Variants in DHX57 observed in about 807,000 individuals in gnomAD.
DHX57 encodes the protein DExH-box helicase 57, also known as putative ATP-dependent RNA helicase DHX57.
In DHX57, 105 loss-of-function variants were observed where a neutral mutation model predicts 156.2. The observed-to-expected ratio is 0.67, with a 90% CI of 0.57 to 0.79. DHX57 has a LOEUF of 0.79. Ranked by LOEUF, DHX57 falls within the 30% of genes least tolerant of loss-of-function variation. The pLI, the probability that DHX57 is intolerant of heterozygous loss-of-function variation, is 0.00. For missense variants in DHX57, 1,847 were observed against 1,661.9 expected, an observed-to-expected ratio of 1.11 and a Z score of -1.94; for synonymous variants, 704 against 595.6, an observed-to-expected ratio of 1.18 and a Z score of -2.65.
chr2:38,821,513 G>A (rs2148556879), intron 17 of DHX57, among the ~76,000 whole-genome samples: 1 of 152,088 alleles, frequency 6.6e-6, no homozygotes, highest in Admixed American at 6.6e-5. Flanking sequence ...GACTAACATG[G>A]TGAAACCCCG....
chr2:38,865,059 G>A (rs961090626), intron 2 of DHX57, among the ~76,000 whole-genome samples: 2 of 152,072 alleles, frequency 1.3e-5, no homozygotes, highest in South Asian at 2.1e-4. Context: ...CACTCTCTTA[G>A]TTTCCTACTT....
At chr2:38,825,814 T>A in intron 16 of DHX57, 33 bp downstream of exon 16, 1 of 1,609,482 alleles carries the variant, frequency 6.2e-7, no homozygotes, top group Non-Finnish European at 8.5e-7. Flanking sequence ...ATTTAGACCT[T>A]TTGGAAGCAA....
intron 9 of DHX57, among the ~76,000 whole-genome samples, chr2:38,848,769 T>C (rs1009348314): frequency 1.3e-5 from 2 of 152,206 alleles, no homozygotes; most frequent in Non-Finnish European, 2.9e-5. Context: ...ATATTTTGAA[T>C]AATTTTGTCT....
At position 38,861,952 on chromosome 2, in the gene DHX57, G is replaced by C. The variant is rs954584707; in HGVS notation, c.573-115C>G. 25 of 1,278,956 alleles carry C rather than the reference G, an allele frequency of 2.0e-5. No homozygotes were observed. In the East Asian group the frequency reaches 2.2e-4, roughly 11 times the overall value. The allele number at this position is 1,278,956 out of a possible 1,614,324, so 79.2% of individuals were successfully genotyped here. On this transcript the variant is annotated intron_variant, in intron 4 of 23. Coordinates refer to ENST00000457308, the MANE Select transcript of DHX57 (RefSeq NM_198963.3). ...TTATGACTACACATAGGCAGGGCTTGTATTTTGAAAAAGCATCCCTGATAA... is the reference window on the plus strand; with the variant it reads ...TTATGACTACACATAGGCAGGGCTTCTATTTTGAAAAAGCATCCCTGATAA...
intron 2 of DHX57, 63 bp from the exon 3 acceptor site, chr2:38,863,582 C>T (rs1673354381): frequency 6.6e-7 from 1 of 1,507,904 alleles, no homozygotes; most frequent in African/African-American, 1.4e-5. Context: ...ACACTCTCCT[C>T]AGGGGTCCCC....
Position 38,875,805 on chromosome 2 carries a change from T to G in DHX57, c.-25A>C. ...GACGTACCTGGCTCGCAGAGTTGGG[T>G]CCCGAGCCGGCTGTCGGGAGGTGCT... On this transcript the variant is annotated 5_prime_UTR_variant, in exon 1 of 24. Coordinates refer to ENST00000457308, the MANE Select transcript of DHX57 (RefSeq NM_198963.3). The G allele has an allele frequency of 2.6e-6, 1 of 382,940 alleles. No individual in the cohort carries two copies. The highest frequency in any genetic ancestry group is 4.6e-6 in the Non-Finnish European group (1 of 216,530). 23.7% of individuals were successfully genotyped at this position (382,940 alleles called of 1,614,324 possible). A position where few individuals can be genotyped will look rare whatever the true frequency, so the allele number is the denominator to read the frequency against.
At chr2:38,799,241 C>T (rs544941391) in intron 23 of DHX57, among the ~76,000 whole-genome samples, 25 of 151,548 alleles carry the variant, frequency 1.6e-4, no homozygotes, top group Non-Finnish European at 3.4e-4. Flanking sequence ...TGGTGCATGC[C>T]TATAATTCCA....
chr2:38,814,040 C>A (rs958570675), intron 20 of DHX57, 145 bp from the exon 21 acceptor site: 1 of 769,300 alleles, frequency 1.3e-6, no homozygotes, highest in Admixed American at 2.3e-5. Flanking sequence ...CAGGTTCAAG[C>A]GATTCTCCTG....
intron 11 of DHX57, among the ~76,000 whole-genome samples, chr2:38,844,884 G>A (rs1672187151): frequency 6.6e-6 from 1 of 152,148 alleles, no homozygotes; most frequent in Non-Finnish European, 1.5e-5. Flanking sequence ...CTTAAATATT[G>A]GCTGGGGTCA....
Position 38,815,557 on chromosome 2 carries a change from T to C in DHX57, c.3570A>G (p.Gln1190=). Residue 1190 remains glutamine (Q), a synonymous_variant, in exon 20 of 24, where the codon CAA becomes CAG. Coordinates refer to ENST00000457308, the MANE Select transcript of DHX57 (RefSeq NM_198963.3). ...TGGCATCTAAGACACCATCTCCTCC[T>C]TGGGCCCTTTTCTCAATTTCCCTTG... ...LRAREIEKRA[Q]GGDGVLDATG... is the part of the protein sequence containing the mutation. 1 of 1,614,156 alleles carries C rather than the reference T, an allele frequency of 6.2e-7. No homozygotes were observed. The highest frequency in any genetic ancestry group is 8.5e-7 in the Non-Finnish European group (1 of 1,180,034).
intron 9 of DHX57, among the ~76,000 whole-genome samples, chr2:38,851,547 T>C (rs1185571695): frequency 6.6e-6 from 1 of 152,198 alleles, no homozygotes; most frequent in Non-Finnish European, 1.5e-5. Flanking sequence ...TGAAGCACCC[T>C]TCTCCACTGT....
rs370877683 is a variant in DHX57, at chr2:38,856,445, T to G, written c.1604A>C (p.Gln535Pro). Residue 535 changes from glutamine (Q) to proline (P), a missense_variant, in exon 7 of 24, where the codon CAG becomes CCG. Gln to Pro is a moderately conservative substitution (Grantham distance 76). Coordinates refer to ENST00000457308, the MANE Select transcript of DHX57 (RefSeq NM_198963.3). ...TGATTGCCTCTCTTGCAGAATGGACTGGAACTGTCTGGAAGCCTAATAAAA... is the reference window on the plus strand; with the variant it reads ...TGATTGCCTCTCTTGCAGAATGGACGGGAACTGTCTGGAAGCCTAATAAAA... ...FRMKQASRQF[Q>P]SILQERQSLP... is the part of the protein sequence containing the mutation. 18 of 1,609,992 alleles carry G rather than the reference T, an allele frequency of 1.1e-5. No individual in the cohort carries two copies. The highest frequency in any genetic ancestry group is 5.4e-5 in the African/African-American group (4 of 74,612).
At chr2:38,820,009 G>C (rs193078312) in intron 17 of DHX57, among the ~76,000 whole-genome samples, 2 of 152,036 alleles carry the variant, frequency 1.3e-5, no homozygotes, top group African/African-American at 4.8e-5. Flanking sequence ...ACCTTCTCAG[G>C]CTCTAAAGGT....
chr2:38,826,282 T>C (rs1399637287), intron 15 of DHX57, among the ~76,000 whole-genome samples: 2 of 152,174 alleles, frequency 1.3e-5, no homozygotes, highest in African/African-American at 4.8e-5. Context: ...TACAAGCACA[T>C]ATAAAATCAC....
chr2:38,798,917 T>C (rs544257700), intron 23 of DHX57, among the ~76,000 whole-genome samples: 1 of 152,204 alleles, frequency 6.6e-6, no homozygotes, highest in East Asian at 1.9e-4. Context: ...CACTCCAGCC[T>C]GGGTGACATA....
At chr2:38,845,233 A>G (rs949814162) in intron 11 of DHX57, among the ~76,000 whole-genome samples, 1 of 151,922 alleles carries the variant, frequency 6.6e-6, no homozygotes, top group Non-Finnish European at 1.5e-5. Flanking sequence ...ACCCATATAT[A>G]TATATATTCT....
rs367857263 is a variant in DHX57, at chr2:38,823,026, G to A, written c.3258C>T (p.Thr1086=). The change falls in exon 17 of 24, where the codon ACC becomes ACT. Residue 1086 remains threonine (T), a synonymous_variant. Coordinates refer to ENST00000457308, the MANE Select transcript of DHX57 (RefSeq NM_198963.3). ...SIFRCLDPAL[T]IAASLAFKSP... Reference sequence around the variant, plus strand: ...ACTTAAAAGCCAAACTGGCAGCAATGGTGAGAGCAGGATCCAAACAGCGGA... The same window carrying A: ...ACTTAAAAGCCAAACTGGCAGCAATAGTGAGAGCAGGATCCAAACAGCGGA... 1.5e-5 allele frequency: 24 copies of A among 1,613,946 alleles called. No individual in the cohort carries two copies. In the African/African-American group the frequency reaches 2.8e-4, roughly 19 times the overall value.
Position 38,868,242 on chromosome 2 carries a change from C to T in DHX57, c.164G>A (p.Ser55Asn). 3.7e-6 allele frequency: 6 copies of T among 1,614,142 alleles called. No individual in the cohort carries two copies. Among genetic ancestry groups the T allele is most frequent in the Admixed American group, 3.3e-5 (2 of 60,016 alleles). ...GTCATCTCCATCATCCCATATTCTA[C>T]TGGAGGCCTTTCTGTTGCCGCCACC... is the stretch of plus-strand genomic sequence containing the variant. ...GGGGGNRKAS[S>N]RIWDDGDDFC... The change falls in exon 2 of 24, where the codon AGT (serine) becomes AAT (asparagine). Residue 55 changes from serine (S) to asparagine (N), a missense_variant. Ser to Asn is a conservative substitution (Grantham distance 46). Coordinates refer to ENST00000457308, the MANE Select transcript of DHX57 (RefSeq NM_198963.3).
At chr2:38,834,392 A>G (rs1324101503) in intron 13 of DHX57, among the ~76,000 whole-genome samples, 6 of 151,920 alleles carry the variant, frequency 3.9e-5, no homozygotes, top group Non-Finnish European at 8.8e-5. Flanking sequence ...ACTATATAAT[A>G]CAGTATACTA....
Sources: gnomAD v4.1 joint callset for allele counts (sites outside exome capture counted in the v4.1 genomes callset) on GRCh38, gnomAD v4.1.1 for gene constraint, MANE v1.5 for transcripts, NCBI Gene and HGNC (gene_info 2026-07-23, HGNC 2026-07-21) for gene names.